Variants in KIFC3 observed in about 807,000 individuals in gnomAD.
KIFC3 encodes the protein kinesin-like protein KIFC3.
A neutral mutation model predicts 101.8 loss-of-function variants in KIFC3; 60 were observed. The ratio of observed to expected loss-of-function variants is 0.59; its 90% CI spans 0.48 to 0.73. KIFC3 has a LOEUF of 0.73. Among genes scored for constraint, KIFC3 ranks in the 30% least tolerant of loss-of-function variants. The probability of loss-of-function intolerance (pLI) is 0.00; values close to 1 mark genes in which losing one functional copy is unlikely to be tolerated. For missense variants in KIFC3, 966 were observed against 1,137.1 expected (o/e 0.85, Z 2.16); for synonymous variants, 476 against 482.7 (o/e 0.99, Z 0.18).
intron 9 of KIFC3, among the ~76,000 whole-genome samples, chr16:57,768,011 A>C (rs1310521243): frequency 3.9e-5 from 6 of 152,082 alleles, no homozygotes; most frequent in Non-Finnish European, 8.8e-5. Flanking sequence ...CAGGTTACTT[A>C]TAATATCTAA....
Position 57,798,085 on chromosome 16 carries a change from C to A in KIFC3, c.159G>T (p.Gly53=), listed in dbSNP as rs782356783. 3 of 1,592,618 alleles carry A rather than the reference C, an allele frequency of 1.9e-6. No homozygotes were observed. The Admixed American group carries it at 5.2e-5, about 28-fold the overall frequency. Residue 53 remains glycine, a synonymous_variant, in exon 2 of 20, where the codon GGG becomes GGT. Transcript: ENST00000445690. ...ATGCGGACTCACCAGTTCTCAACCT[C>A]CCCGGGCCGGTGTGTGGGAAAGGGC... The part of the protein sequence containing the change: ...AARPFPHTGP[G]RLRTGRGKDT...
At chr16:57,847,239 GAA>G (rs2149321563) in intron 1 of KIFC3, among the ~76,000 whole-genome samples, 2 of 101,374 alleles carry the variant, frequency 2.0e-5, no homozygotes, top group Admixed American at 1.1e-4. Flanking sequence ...AGGAAGGAAG[GAA>G]GGAAGGAAGG....
intron 18 of KIFC3, 31 bp downstream of exon 18, chr16:57,759,697 C>A: frequency 6.5e-7 from 1 of 1,544,768 alleles, no homozygotes; most frequent in Admixed American, 1.8e-5. Flanking sequence ...CCTGGGGAGA[C>A]TCCCCACCCA....
chr16:57,809,623 T>C (rs1343886481), intron 1 of KIFC3, among the ~76,000 whole-genome samples: 2 of 152,088 alleles, frequency 1.3e-5, no homozygotes, highest in Non-Finnish European at 1.5e-5. Flanking sequence ...CATTCCCTGG[T>C]GTGGGGAGGG....
rs1282264642 is a variant in KIFC3, at chr16:57,808,431, G to GC, written c.109-10150dup. 3.9e-5 allele frequency among the ~76,000 whole-genome samples: 6 copies of GC among 152,022 alleles called. No homozygotes were observed. In the East Asian group the frequency reaches 9.7e-4, roughly 24 times the overall value. On this transcript the variant is annotated intron_variant, in intron 1 of 2. Coordinates refer to the KIFC3 transcript ENST00000563028. The stretch of plus-strand genomic sequence containing the variant: ...CTCTCCTTGCTCCTAAATTGTTATA[G>GC]CTCCGGGTTCTAAACCAGCACATGC...
chr16:57,759,362 C>CG (rs1437756831), intron 18 of KIFC3: 1 of 628,332 alleles, frequency 1.6e-6, no homozygotes, highest in Non-Finnish European at 2.8e-6. Context: ...TTTCTACCCC[C>CG]GGGGCAGCTG....
At chr16:57,844,339 AAAATT>A (rs2055872211) in intron 1 of KIFC3, among the ~76,000 whole-genome samples, 2 of 151,672 alleles carry the variant, frequency 1.3e-5, no homozygotes, top group Admixed American at 1.3e-4. Context: ...GTGAGGCAGG[AAAATT>A]GCTTGAACCC....
intron 16 of KIFC3, 48 bp downstream of exon 16, chr16:57,760,678 T>C (rs2049738435): frequency 2.0e-6 from 3 of 1,501,788 alleles, no homozygotes; most frequent in Non-Finnish European, 2.8e-6. Flanking sequence ...ACTGCTAGCG[T>C]AGCCCCTACA....
Position 57,785,562 on chromosome 16 carries a change from C to T in KIFC3, c.315+9437G>A, listed in dbSNP as rs781811518. ...AGCTCCTCCTGTAGCTGGGTCTTCT[C>T]GTCCTGGAGCTGGGACATGGCCTCC... is the stretch of plus-strand genomic sequence containing the variant. On this transcript the variant is annotated intron_variant, in intron 3 of 19. Coordinates refer to ENST00000445690, the MANE Select transcript of KIFC3 (RefSeq NM_001130100.2). 21 of 1,288,596 alleles carry T rather than the reference C, an allele frequency of 1.6e-5. 1 individual carries two copies. Among genetic ancestry groups the T allele is most frequent in the South Asian group, 1.6e-4 (13 of 80,876 alleles). 79.8% of individuals were successfully genotyped at this position (1,288,596 alleles called of 1,614,324 possible). A position where few individuals can be genotyped will look rare whatever the true frequency, so the allele number is the denominator to read the frequency against.
At chr16:57,773,916 C>A (rs1555610314) in intron 3 of KIFC3, 1 of 151,886 alleles carries the variant, frequency 6.6e-6, no homozygotes, top group Non-Finnish European at 1.5e-5. Flanking sequence ...AGGAAGTGGA[C>A]CAAGGGATCC....
intron 3 of KIFC3, chr16:57,776,011 AGAAGCG>A (rs2052018987): frequency 6.1e-6 from 6 of 985,350 alleles, no homozygotes; most frequent in Non-Finnish European, 7.2e-6. Context: ...CTTCACAGGC[AGAAGCG>A]GCTCGACCAA....
intron 1 of KIFC3, among the ~76,000 whole-genome samples, chr16:57,799,486 G>C (rs782508896): frequency 6.6e-6 from 1 of 152,068 alleles, no homozygotes; most frequent in African/African-American, 2.4e-5. Flanking sequence ...ACCCACTATG[G>C]GCCCACACAC....
At chr16:57,806,347 C>T (rs1275603025), upstream of KIFC3, among the ~76,000 whole-genome samples, 1 of 152,154 alleles carries the variant, frequency 6.6e-6, no homozygotes, top group Non-Finnish European at 1.5e-5. Context: ...CTTACCTGGC[C>T]AATTCCATAC....
intron 3 of KIFC3, among the ~76,000 whole-genome samples, chr16:57,792,555 T>C (rs2053962137): frequency 6.6e-6 from 1 of 152,168 alleles, no homozygotes; most frequent in Admixed American, 6.5e-5. Context: ...CTGTTATAAA[T>C]AATTTATGGT....
chr16:57,844,082 T>C (rs1397105848), intron 1 of KIFC3, among the ~76,000 whole-genome samples: 1 of 151,378 alleles, frequency 6.6e-6, no homozygotes, highest in African/African-American at 2.4e-5. Context: ...CACTCCAGCC[T>C]GGGCGACAGA....
intron 1 of KIFC3, among the ~76,000 whole-genome samples, chr16:57,843,477 G>A (rs549318434): frequency 2.4e-4 from 37 of 152,326 alleles, no homozygotes; most frequent in African/African-American, 8.9e-4. Flanking sequence ...GCCAGGAACT[G>A]ATGGCGCTGG....
intron 1 of KIFC3, among the ~76,000 whole-genome samples, chr16:57,833,866 CTTTTTTTT>C (rs201843937): frequency 1.8e-5 from 2 of 111,296 alleles, no homozygotes; most frequent in African/African-American, 7.6e-5. Flanking sequence ...AATGCAGTTG[CTTTTTTTT>C]TTTTTTTTTT....
chr16:57,840,424 A>G (rs778106666), intron 1 of KIFC3, among the ~76,000 whole-genome samples: 2 of 152,096 alleles, frequency 1.3e-5, no homozygotes, highest in Non-Finnish European at 2.9e-5. Flanking sequence ...CCCAGGAGTC[A>G]AGACTAGCCA....
chr16:57,788,556 G>C (rs1266658806), intron 3 of KIFC3: 2 of 1,280,966 alleles, frequency 1.6e-6, no homozygotes, highest in Non-Finnish European at 2.0e-6. Flanking sequence ...TGCCGGTTTG[G>C]CGGGCAGGCC....
Sources: gnomAD v4.1 joint callset for allele counts (sites outside exome capture counted in the v4.1 genomes callset) on GRCh38, gnomAD v4.1.1 for gene constraint, MANE v1.5 for transcripts, NCBI Gene and HGNC (gene_info 2026-07-23, HGNC 2026-07-21) for gene names.